Variants in SLC20A2 observed in about 807,000 individuals in gnomAD.
SLC20A2 encodes sodium-dependent phosphate transporter 2.
Under a neutral mutation model 61.0 loss-of-function variants are expected in SLC20A2, and 30 were observed. The observed-to-expected ratio is 0.49, with a 90% CI of 0.37 to 0.67. The LOEUF is 0.67. Among genes scored for constraint, SLC20A2 ranks in the 30% least tolerant of loss-of-function variants. SLC20A2 has a pLI of 0.00. For synonymous variants in SLC20A2, 351 were observed against 353.3 expected, an observed-to-expected ratio of 0.99 and a Z score of 0.07; for missense variants, 626 against 866.4, an observed-to-expected ratio of 0.72 and a Z score of 3.48.
At chr8:42,504,560 G>A (rs1810517190), upstream of SLC20A2, among the ~76,000 whole-genome samples, 1 of 151,880 alleles carries the variant, frequency 6.6e-6, no homozygotes, top group African/African-American at 2.4e-5. Flanking sequence ...ATAAAAATTG[G>A]TGGCCAGGCG....
upstream of SLC20A2, among the ~76,000 whole-genome samples, chr8:42,505,109 CTTTTTTTTTTT>C (rs11295337): frequency 7.0e-6 from 1 of 142,716 alleles, no homozygotes; most frequent in Non-Finnish European, 1.5e-5. Flanking sequence ...CCCCCCCAAC[CTTTTTTTTTTT>C]TTAATTGAGA....
At chr8:42,538,207 T>A (rs1196346027) in intron 1 of SLC20A2, 1 of 149,230 alleles carries the variant, frequency 6.7e-6, no homozygotes, top group African/African-American at 2.4e-5. Flanking sequence ...AATATAAACC[T>A]ACTCTGTATA....
intron 5 of SLC20A2, among the ~76,000 whole-genome samples, chr8:42,452,390 A>C (rs1057420793): frequency 6.9e-6 from 1 of 145,184 alleles, no homozygotes; most frequent in African/African-American, 2.6e-5. Flanking sequence ...AAGGAGGAAG[A>C]GATGGAGGAG....
chr8:42,519,520 A>G (rs1811518839), intron 1 of SLC20A2, among the ~76,000 whole-genome samples: 1 of 151,796 alleles, frequency 6.6e-6, no homozygotes, highest in African/African-American at 2.4e-5. Flanking sequence ...CAGCATAGAC[A>G]CTTGCTTTGT....
chr8:42,528,723 G>A (rs1434057532), intron 1 of SLC20A2, among the ~76,000 whole-genome samples: 1 of 151,852 alleles, frequency 6.6e-6, no homozygotes, highest in Admixed American at 6.6e-5. Flanking sequence ...CTGGAGTGCA[G>A]TGGTGCGATC....
chr8:42,452,183 T>G (rs1372112304), intron 5 of SLC20A2, among the ~76,000 whole-genome samples: 442 of 56,904 alleles, frequency 7.8e-3, no homozygotes, highest in Admixed American at 0.011. Flanking sequence ...GAGGAAGAGA[T>G]AGGAGGAGGA....
chr8:42,431,239 T>G (rs1803849603), intron 8 of SLC20A2, among the ~76,000 whole-genome samples: 1 of 152,202 alleles, frequency 6.6e-6, no homozygotes, highest in Non-Finnish European at 1.5e-5. Flanking sequence ...GCTACTTCAA[T>G]GAACACATGA....
intron 1 of SLC20A2, among the ~76,000 whole-genome samples, chr8:42,495,752 C>CCTTTTTTT (rs1203414908): frequency 6.9e-6 from 1 of 145,236 alleles, no homozygotes; most frequent in Non-Finnish European, 1.5e-5. Context: ...ATCCCTCCCC[C>CCTTTTTTT]TTTTTTTTTT....
intron 5 of SLC20A2, among the ~76,000 whole-genome samples, chr8:42,447,461 A>G (rs1805304761): frequency 6.6e-6 from 1 of 152,140 alleles, no homozygotes; most frequent in Non-Finnish European, 1.5e-5. Flanking sequence ...GCAGATCACA[A>G]GGTCAGGAGA....
intron 1 of SLC20A2, among the ~76,000 whole-genome samples, chr8:42,486,233 T>C (rs1238654740): frequency 1.3e-5 from 2 of 152,132 alleles, no homozygotes; most frequent in Non-Finnish European, 2.9e-5. Flanking sequence ...TCCTTTAGTA[T>C]TTTTTTATTT....
chr8:42,459,630 C>T (rs1321807379), intron 5 of SLC20A2, among the ~76,000 whole-genome samples: 2 of 152,050 alleles, frequency 1.3e-5, no homozygotes, highest in Non-Finnish European at 2.9e-5. Context: ...ATTTTTTTTT[C>T]TAACTTGAAA....
At chr8:42,467,921 C>T (rs1384838331) in intron 2 of SLC20A2, among the ~76,000 whole-genome samples, 4 of 144,294 alleles carry the variant, frequency 2.8e-5, no homozygotes, top group Non-Finnish European at 6.1e-5. Context: ...GGTTTATATT[C>T]TTTTTTTTTT....
chr8:42,453,025 C>T (rs796660942), intron 5 of SLC20A2, among the ~76,000 whole-genome samples: 5 of 152,290 alleles, frequency 3.3e-5, no homozygotes, highest in African/African-American at 1.2e-4. Flanking sequence ...GGGCTGCATT[C>T]TGTGGGTCCA....
rs763252801 is a variant in SLC20A2 at position 42,430,070 on chromosome 8, G to A, written c.1703C>T (p.Pro568Leu). The change falls in exon 9 of 11, where the codon CCG becomes CTG. Residue 568 changes from proline to leucine, a missense_variant. By Grantham distance (98) the Pro-to-Leu change is moderately conservative. Around this residue, in one of 3 missense-constraint regions of SLC20A2, gnomAD observed 138 missense variants for 228.7 expected, o/e 0.60. Transcript: ENST00000520262. Reference sequence around the variant, plus strand: ...TCCACCAGCCCAGGCTTACCTGGACGGCGTGATGGGAGTGAGGTCCTTCCC... The same window carrying A: ...TCCACCAGCCCAGGCTTACCTGGACAGCGTGATGGGAGTGAGGTCCTTCCC... ...TMGKDLTPIT[P>L]SSGFTIELAS... is the part of the protein sequence containing the mutation. 3.7e-6 allele frequency: 6 copies of A among 1,609,068 alleles called. No individual in the cohort carries two copies. The highest frequency in any genetic ancestry group is 1.7e-5 in the Admixed American group (1 of 59,272).
intron 10 of SLC20A2, among the ~76,000 whole-genome samples, chr8:42,423,946 A>G (rs563052065): frequency 6.6e-6 from 1 of 152,368 alleles, no homozygotes; most frequent in Admixed American, 6.5e-5. Flanking sequence ...AAATTAAATT[A>G]GAAATTATAA....
chr8:42,423,441 T>C (rs1273458640), intron 10 of SLC20A2, among the ~76,000 whole-genome samples: 1 of 152,060 alleles, frequency 6.6e-6, no homozygotes, highest in African/African-American at 2.4e-5. Context: ...TCCTCCTACC[T>C]CTGCCTCCCA....
intron 5 of SLC20A2, among the ~76,000 whole-genome samples, chr8:42,451,490 T>G (rs1203107820): frequency 3.7e-5 from 4 of 108,908 alleles, no homozygotes; most frequent in Non-Finnish European, 7.3e-5. Flanking sequence ...GAGGAAGAGA[T>G]GGAGTAGGAG....
chr8:42,534,306 G>A (rs1235332171), intron 1 of SLC20A2, among the ~76,000 whole-genome samples: 1 of 152,124 alleles, frequency 6.6e-6, no homozygotes, highest in Non-Finnish European at 1.5e-5. Context: ...AAAAAGGAAA[G>A]AAGAGGTAAC....
At chr8:42,431,609 A>G (rs1156380309) in intron 8 of SLC20A2, among the ~76,000 whole-genome samples, 4 of 152,240 alleles carry the variant, frequency 2.6e-5, no homozygotes, top group Non-Finnish European at 5.9e-5. Context: ...ACAGTCTTCT[A>G]TTGGTAGAAG....
Sources: gnomAD v4.1 joint callset for allele counts (sites outside exome capture counted in the v4.1 genomes callset) on GRCh38, gnomAD v4.1.1 for gene constraint, gnomAD v4.1.1 regional missense constraint, MANE v1.5 for transcripts, NCBI Gene and HGNC (gene_info 2026-07-23, HGNC 2026-07-21) for gene names.